Variants in KCTD10 observed in about 807,000 individuals in gnomAD.
The protein encoded by KCTD10 is potassium channel tetramerization domain containing 10.
In KCTD10, 13 loss-of-function variants were observed where a neutral mutation model predicts 34.6. The ratio of observed to expected loss-of-function variants is 0.38; its 90% confidence interval spans 0.24 to 0.60. The LOEUF is 0.60. KCTD10 is among the 20% of genes least tolerant of loss of function. The pLI is 0.66. For synonymous variants in KCTD10, 156 were observed against 168.8 expected (o/e 0.92, Z 0.59); for missense variants, 256 against 420.3 (o/e 0.61, Z 3.42).
At chr12:109,470,209 T>C (rs1307684638) in intron 1 of KCTD10, 23 of 986,548 alleles carry the variant, frequency 2.3e-5, no homozygotes, top group Non-Finnish European at 2.5e-5. Context: ...ACTCAATAGC[T>C]AGCTAAGTGT....
At chr12:109,462,416 G>A (rs1873382548) in intron 2 of KCTD10, among the ~76,000 whole-genome samples, 2 of 152,240 alleles carry the variant, frequency 1.3e-5, no homozygotes, top group Non-Finnish European at 2.9e-5. Flanking sequence ...CAAATGTATA[G>A]CCCTGAGTCA....
At chr12:109,458,379 T>C (rs1873138164) in intron 3 of KCTD10, 1 of 275,422 alleles carries the variant, frequency 3.6e-6, no homozygotes, top group Admixed American at 4.8e-5. Flanking sequence ...AGCAGAAACG[T>C]GTTTTAATCA....
At position 109,460,307 on chromosome 12, in the gene KCTD10, T is replaced by C; in HGVS notation, c.387+329A>G. On this transcript the variant is annotated intron_variant, in intron 3 of 6. Transcript: ENST00000228495. This position sits in a 1 kb window ranked among gnomAD's most constrained non-coding sequence, Gnocchi z 4.5. Reference sequence around the variant, plus strand: ...ATGCTGAGCTCCCAACAATGACTTGTGGGACTAGAGTAAGCCCTAAGATTG... The same window carrying C: ...ATGCTGAGCTCCCAACAATGACTTGCGGGACTAGAGTAAGCCCTAAGATTG... 4.2e-6 allele frequency: 1 copy of C among 238,670 alleles called. No individual in the cohort carries two copies. Among genetic ancestry groups the C allele is most frequent in the South Asian group, 7.9e-5 (1 of 12,650 alleles). 14.8% of individuals were successfully genotyped at this position (238,670 alleles called of 1,614,324 possible).
intron 1 of KCTD10, among the ~76,000 whole-genome samples, chr12:109,471,991 G>T (rs7298476): frequency 0.037 from 5,623 of 152,160 alleles, 381 homozygotes; most frequent in African/African-American, 0.13. Context: ...GAGTGTGTAG[G>T]CCTGGAAATT....
At chr12:109,455,139 C>T (rs886789759) in intron 6 of KCTD10, among the ~76,000 whole-genome samples, 4 of 151,916 alleles carry the variant, frequency 2.6e-5, no homozygotes, top group Non-Finnish European at 5.9e-5. Context: ...CCCCCGGGAT[C>T]TTTGAAAGCA....
chr12:109,452,100 AAT>A (rs2135633949), intron 6 of KCTD10, among the ~76,000 whole-genome samples: 1 of 152,284 alleles, frequency 6.6e-6, no homozygotes, highest in South Asian at 2.1e-4. Flanking sequence ...TGTGCATGTA[AAT>A]ATGTGTAATA....
chr12:109,476,227 A>T (rs766425808), intron 1 of KCTD10, among the ~76,000 whole-genome samples: 6 of 152,226 alleles, frequency 3.9e-5, no homozygotes, highest in Non-Finnish European at 7.3e-5. Context: ...CCAGAGTTTG[A>T]GAACCACTGG....
intron 6 of KCTD10, among the ~76,000 whole-genome samples, chr12:109,455,120 C>T (rs944707175): frequency 7.2e-5 from 11 of 151,806 alleles, no homozygotes; most frequent in African/African-American, 2.7e-4. Flanking sequence ...GATTCTGGTT[C>T]ACCCCCTGCC....
At chr12:109,471,817 A>G (rs977739579) in intron 1 of KCTD10, among the ~76,000 whole-genome samples, 1 of 152,222 alleles carries the variant, frequency 6.6e-6, no homozygotes, top group Non-Finnish European at 1.5e-5. Context: ...TTATATAATA[A>G]ATGCTTGTTA....
intron 1 of KCTD10, among the ~76,000 whole-genome samples, chr12:109,472,112 T>C (rs1873919579): frequency 1.3e-5 from 2 of 152,210 alleles, no homozygotes; most frequent in Admixed American, 1.3e-4. Context: ...ATTTAAAATA[T>C]TTTTTCTTTC....
At chr12:109,471,728 G>A (rs1009250038) in intron 1 of KCTD10, among the ~76,000 whole-genome samples, 8 of 152,166 alleles carry the variant, frequency 5.3e-5, no homozygotes, top group Non-Finnish European at 8.8e-5. Context: ...AAAGGCTTAC[G>A]GTCATGGGTG....
intron 3 of KCTD10, among the ~76,000 whole-genome samples, chr12:109,459,806 G>T (rs1873220310): frequency 6.6e-6 from 1 of 152,250 alleles, no homozygotes; most frequent in Non-Finnish European, 1.5e-5. Context: ...ACTGCTGAAA[G>T]AATTCACAGA....
intron 1 of KCTD10, among the ~76,000 whole-genome samples, chr12:109,476,974 GAC>G (rs1874367968): frequency 6.6e-6 from 1 of 152,044 alleles, no homozygotes; most frequent in African/African-American, 2.4e-5. Context: ...CTCACTTGGA[GAC>G]ACCCCTTCCT....
intron 6 of KCTD10, chr12:109,455,386 A>C (rs1360506453): frequency 6.6e-6 from 1 of 151,234 alleles, no homozygotes; most frequent in Non-Finnish European, 1.5e-5. Flanking sequence ...AATTTTCAAT[A>C]ATAAGTTAAA....
At chr12:109,470,146 A>G (rs566926117) in intron 1 of KCTD10, 3 of 1,007,964 alleles carry the variant, frequency 3.0e-6, no homozygotes, top group African/African-American at 3.4e-5. Flanking sequence ...TGCACCCTAA[A>G]ACAGCCTAAA....
intron 6 of KCTD10, among the ~76,000 whole-genome samples, chr12:109,454,244 CTAT>C (rs1356348213): frequency 6.6e-6 from 1 of 152,224 alleles, no homozygotes; most frequent in African/African-American, 2.4e-5. Flanking sequence ...CTGGCAGCAG[CTAT>C]TATTAACCTG....
chr12:109,451,406 G>A lies in KCTD10; in HGVS notation c.*189C>T, dbSNP rs1872759176. The A allele has an allele frequency of 7.0e-6, 4 of 574,074 alleles. No individual in the cohort carries two copies. The South Asian group carries it at 1.0e-4, about 14-fold the overall frequency. The allele number at this position is 574,074 out of a possible 1,614,324, so 35.6% of individuals were successfully genotyped here. Reference sequence around the variant, plus strand: ...AGACACAGCTTGTTCAACGACAGGGGTCATACGCCTGGGTCAAGACAATCA... The same window carrying A: ...AGACACAGCTTGTTCAACGACAGGGATCATACGCCTGGGTCAAGACAATCA... On this transcript the variant is annotated 3_prime_UTR_variant, in exon 7 of 7. Coordinates refer to ENST00000228495, the MANE Select transcript of KCTD10 (RefSeq NM_031954.5). This position sits in a 1 kb window ranked among gnomAD's most constrained non-coding sequence, Gnocchi z 5.0.
chr12:109,469,253 A>C, intron 2 of KCTD10: 1 of 485,064 alleles, frequency 2.1e-6, no homozygotes, highest in East Asian at 3.9e-5. Context: ...GGTCCAGGGA[A>C]GATACCTCTC....
chr12:109,460,414 T>C lies in KCTD10; in HGVS notation c.387+222A>G. On this transcript the variant is annotated intron_variant, in intron 3 of 6. Coordinates refer to ENST00000228495, the MANE Select transcript of KCTD10 (RefSeq NM_031954.5). The surrounding 1 kb of genome is among the most constrained non-coding windows in gnomAD (Gnocchi z 4.5). ...GTACACATGAGAAGATCCAACAGCATGGGGCTGCAAGGAGTGACACAGTAG... is the reference window on the plus strand; with the variant it reads ...GTACACATGAGAAGATCCAACAGCACGGGGCTGCAAGGAGTGACACAGTAG... The C allele has an allele frequency of 1.8e-6, 1 of 555,494 alleles. No homozygotes were observed. The highest frequency in any genetic ancestry group is 3.2e-5 in the Admixed American group (1 of 31,664). 34.4% of individuals were successfully genotyped at this position (555,494 alleles called of 1,614,324 possible).
Sources: gnomAD v4.1 joint callset for allele counts (sites outside exome capture counted in the v4.1 genomes callset) on GRCh38, gnomAD v4.1.1 for gene constraint, Gnocchi (gnomAD v3.1) non-coding constraint, MANE v1.5 for transcripts, NCBI Gene and HGNC (gene_info 2026-07-23, HGNC 2026-07-21) for gene names.